Variants in UBN2 observed in about 807,000 individuals in gnomAD.
UBN2 encodes the protein ubinuclein-2.
Under a neutral mutation model 120.2 loss-of-function variants are expected in UBN2, and 35 were observed. The observed-to-expected ratio is 0.29, with a 90% CI of 0.22 to 0.39. UBN2 has a LOEUF of 0.39. Ranked by LOEUF, UBN2 falls within the 10% of genes least tolerant of loss-of-function variation. UBN2 has a pLI of 1.00. For missense variants in UBN2, 1,693 were observed against 1,663.2 expected, an observed-to-expected ratio of 1.02 and a Z score of -0.31; for synonymous variants, 661 against 648.7, an observed-to-expected ratio of 1.02 and a Z score of -0.29.
At chr7:139,296,499 C>A (rs1404050686) in intron 17 of UBN2, among the ~76,000 whole-genome samples, 1 of 152,146 alleles carries the variant, frequency 6.6e-6, no homozygotes, top group African/African-American at 2.4e-5. Flanking sequence ...CTTCTCCTGT[C>A]CTTTGCTGTC....
chr7:139,273,150 A>G, intron 9 of UBN2, 147 bp from the exon 10 acceptor site: 2 of 461,562 alleles, frequency 4.3e-6, no homozygotes, highest in Non-Finnish European at 7.6e-6. Flanking sequence ...ACTCCTTTCA[A>G]ATTTGAAGTA....
intron 17 of UBN2, among the ~76,000 whole-genome samples, chr7:139,297,331 A>G (rs889963306): frequency 3.9e-5 from 6 of 152,160 alleles, no homozygotes; most frequent in African/African-American, 7.2e-5. Context: ...TGTTTACACA[A>G]ATAATCAGGA....
At chr7:139,320,237 G>A in the UBN2 span, among the ~76,000 whole-genome samples, 4 of 151,210 alleles carry the variant, frequency 2.6e-5, no homozygotes, top group African/African-American at 9.7e-5. Context: ...CAAGGCGGGC[G>A]GATCACCTGA....
intron 2 of UBN2, among the ~76,000 whole-genome samples, chr7:139,250,563 GAAC>G (rs1015460674): frequency 4.7e-5 from 7 of 150,326 alleles, no homozygotes; most frequent in Non-Finnish European, 8.9e-5. Flanking sequence ...AAAAAAAGAA[GAAC>G]TACTGTAGAC....
rs769484485 is a variant in UBN2, at chr7:139,308,234, C to T, written c.*10398C>T. On this transcript the variant is annotated 3_prime_UTR_variant, in exon 18 of 18. Transcript: ENST00000473989. Reference sequence around the variant, plus strand: ...TATTAAATAAAGAGGAATGTACATACTATCCTCGTGTCTGTTGTGTTATTG... The same window carrying T: ...TATTAAATAAAGAGGAATGTACATATTATCCTCGTGTCTGTTGTGTTATTG... 9 of 152,014 alleles carry T rather than the reference C, an allele frequency of 5.9e-5. No homozygotes were observed. The highest frequency in any genetic ancestry group is 1.2e-4 in the Non-Finnish European group (8 of 68,022). The allele number at this position is 152,014 out of a possible 1,614,324, so 9.4% of individuals were successfully genotyped here.
At chr7:139,247,441 C>T (rs1463658679) in intron 2 of UBN2, among the ~76,000 whole-genome samples, 4 of 152,146 alleles carry the variant, frequency 2.6e-5, no homozygotes, top group Non-Finnish European at 5.9e-5. Context: ...AAAAAAATGA[C>T]CCTATAGGTT....
chr7:139,284,000 C>T lies in UBN2; in HGVS notation c.3095C>T (p.Ser1032Leu), dbSNP rs550225947. The T allele has an allele frequency of 2.5e-6, 4 of 1,614,144 alleles. No individual in the cohort carries two copies. Among genetic ancestry groups the T allele is most frequent in the African/African-American group, 1.3e-5 (1 of 75,034 alleles). ...ISTQGFKSPF[S>L]MAASPKLAAS... ...ACGCAGGGTTTCAAATCTCCCTTCTCGATGGCTGCCTCCCCAAAACTTGCC... is the reference window on the plus strand; with the variant it reads ...ACGCAGGGTTTCAAATCTCCCTTCTTGATGGCTGCCTCCCCAAAACTTGCC... Residue 1032 changes from serine (S) to leucine (L), a missense_variant, in exon 15 of 18, where the codon TCG becomes TTG. Ser to Leu is a moderately radical substitution (Grantham distance 145). Transcript: ENST00000473989.
Position 139,283,351 on chromosome 7 carries a change from G to A in UBN2, c.2446G>A (p.Ala816Thr). Residue 816 changes from alanine to threonine, a missense_variant, in exon 15 of 18, where the codon GCT (alanine) becomes ACT (threonine). This residue lies in a region of UBN2 where 837 missense variants were observed against 817.6 expected (regional missense o/e 1.02). Transcript: ENST00000473989. ...LASIMSKLPL[A>T]TPKKLDSTQT... is the part of the protein sequence containing the mutation. ...AAGTATCATGAGTAAGCTGCCACTAGCTACTCCCAAAAAACTAGATTCTAC... is the reference window on the plus strand; with the variant it reads ...AAGTATCATGAGTAAGCTGCCACTAACTACTCCCAAAAAACTAGATTCTAC... The A allele has an allele frequency of 6.2e-7, 1 of 1,613,894 alleles. No individual in the cohort carries two copies. The highest frequency in any genetic ancestry group is 8.5e-7 in the Non-Finnish European group (1 of 1,180,000).
intron 6 of UBN2, among the ~76,000 whole-genome samples, chr7:139,266,027 A>G (rs1480021251): frequency 6.6e-6 from 1 of 151,616 alleles, no homozygotes; most frequent in Non-Finnish European, 1.5e-5. Context: ...TCTGTTCATC[A>G]CAACTCATTT....
At position 139,258,473 on chromosome 7, in the gene UBN2, T is replaced by G. The variant is rs1203328205; in HGVS notation, c.664-15T>G. ...CAACAGGATATAGCGGAAACTTTTT[T>G]GTTTTTTAATCTAGTATGATGAATT... is the stretch of plus-strand genomic sequence containing the variant. On this transcript the variant is annotated splice_polypyrimidine_tract_variant and intron_variant, in intron 3 of 17. Coordinates refer to ENST00000473989, the MANE Select transcript of UBN2 (RefSeq NM_173569.4). The G allele has an allele frequency of 6.5e-7, 1 of 1,538,414 alleles. No homozygotes were observed. The highest frequency in any genetic ancestry group is 2.3e-5 in the East Asian group (1 of 43,834).
In UBN2 at chr7:139,269,519, T is replaced by C; in HGVS notation, c.1592T>C (p.Val531Ala). 1 of 1,613,844 alleles carries C rather than the reference T, an allele frequency of 6.2e-7. No individual in the cohort carries two copies. The highest frequency in any genetic ancestry group is 1.1e-5 in the South Asian group (1 of 90,990). Reference protein sequence around the residue: ...VKRLKKLHLNVQDDRLREPLQ... With the variant: ...VKRLKKLHLNAQDDRLREPLQ... ...CGTCTGAAGAAGTTACATCTCAATG[T>C]CCAGGTAAGAGGAAGAACAATAATA... is the stretch of plus-strand genomic sequence containing the variant. The change falls in exon 8 of 18, where the codon GTC becomes GCC. Residue 531 changes from valine to alanine, a missense_variant. Coordinates refer to ENST00000473989, the MANE Select transcript of UBN2 (RefSeq NM_173569.4).
chr7:139,246,559 T>G (rs1796475528), intron 2 of UBN2, among the ~76,000 whole-genome samples: 1 of 152,212 alleles, frequency 6.6e-6, no homozygotes, highest in Admixed American at 6.5e-5. Context: ...ATAGCATTAT[T>G]GAGGTATAAT....
At chr7:139,312,405 C>A (rs947338311), downstream of UBN2, among the ~76,000 whole-genome samples, 1 of 152,220 alleles carries the variant, frequency 6.6e-6, no homozygotes, top group Admixed American at 6.5e-5. Flanking sequence ...CTAGTGTGCA[C>A]GCACCACATT....
intron 12 of UBN2, among the ~76,000 whole-genome samples, chr7:139,278,826 A>G (rs1377594307): frequency 6.6e-6 from 1 of 152,088 alleles, no homozygotes. Flanking sequence ...TTCATCTTCA[A>G]ACTTTTTCTT....
chr7:139,260,811 TA>T (rs1796907152), intron 5 of UBN2, among the ~76,000 whole-genome samples: 1 of 152,244 alleles, frequency 6.6e-6, no homozygotes, highest in East Asian at 1.9e-4. Context: ...TTTTCAACTT[TA>T]TAACTTATTC....
chr7:139,271,222 T>C (rs1295398001), intron 8 of UBN2, among the ~76,000 whole-genome samples: 2 of 152,234 alleles, frequency 1.3e-5, no homozygotes, highest in Non-Finnish European at 2.9e-5. Context: ...CTGGTGTTCA[T>C]GGAATAGGTT....
At chr7:139,265,409 T>G (rs1167610736) in intron 6 of UBN2, among the ~76,000 whole-genome samples, 1 of 151,402 alleles carries the variant, frequency 6.6e-6, no homozygotes, top group Non-Finnish European at 1.5e-5. Context: ...ACCCGGGAGG[T>G]GGAGATTGCA....
intron 3 of UBN2, among the ~76,000 whole-genome samples, chr7:139,257,114 T>A (rs1482290358): frequency 1.3e-5 from 2 of 152,192 alleles, no homozygotes; most frequent in African/African-American, 4.8e-5. Context: ...TACAATCAGA[T>A]AAGTTCCTTT....
At chr7:139,270,418 G>A (rs562412899) in intron 8 of UBN2, among the ~76,000 whole-genome samples, 2 of 151,818 alleles carry the variant, frequency 1.3e-5, no homozygotes, top group African/African-American at 2.4e-5. Flanking sequence ...ACAGGCACCC[G>A]CCATCATGCC....
Sources: allele counts gnomAD v4.1 joint callset (sites outside exome capture counted in the v4.1 genomes callset), GRCh38; gene constraint gnomAD v4.1.1; regional missense constraint gnomAD v4.1.1; transcripts MANE v1.5; gene names NCBI Gene and HGNC (gene_info 2026-07-23, HGNC 2026-07-21).